DDIAS: variants seen among roughly 807,000 people sequenced by gnomAD.
The protein encoded by DDIAS is DNA damage induced apoptosis suppressor.
DDIAS carries 14 observed loss-of-function variants against 15.7 expected under a neutral mutation model. The observed-to-expected ratio is 0.89, with a 90% CI of 0.59 to 1.39. The LOEUF is 1.39. Among genes scored for constraint, DDIAS ranks in the 40% most tolerant of loss-of-function variants. The pLI is 0.00. For missense variants in DDIAS, 1,035 were observed against 1,130.9 expected, an observed-to-expected ratio of 0.92 and a Z score of 1.22; for synonymous variants, 355 against 395.9, an observed-to-expected ratio of 0.90 and a Z score of 1.23.
intron 3 of DDIAS, among the ~76,000 whole-genome samples, chr11:82,924,173 T>C (rs72946790): frequency 0.012 from 1,816 of 152,350 alleles, 12 homozygotes; most frequent in Non-Finnish European, 0.019. Context: ...GTTTTCTTAC[T>C]TTGTGGGGGA....
rs1459100943 is a variant in DDIAS, at chr11:82,933,551, G to A, written c.2213G>A (p.Ser738Asn). The A allele has an allele frequency of 6.2e-7, 1 of 1,614,040 alleles. No individual in the cohort carries two copies. The change falls in exon 6 of 6, where the codon AGC becomes AAC. Residue 738 changes from serine to asparagine, a missense_variant. Transcript: ENST00000533655. ...CCTTCACAAAAATTATCCTTGCAAA[G>A]CCTATCTGACTCTAGGCATTCAAGA... ...IQPSQKLSLQ[S>N]LSDSRHSRTC...
intron 3 of DDIAS, among the ~76,000 whole-genome samples, chr11:82,916,501 T>C (rs1436437474): frequency 6.7e-6 from 1 of 149,612 alleles, no homozygotes; most frequent in Non-Finnish European, 1.5e-5. Context: ...ATCAAATAGG[T>C]TAATATACAT....
intron 3 of DDIAS, among the ~76,000 whole-genome samples, chr11:82,923,256 C>G (rs1251305630): frequency 6.6e-6 from 1 of 152,200 alleles, no homozygotes; most frequent in Non-Finnish European, 1.5e-5. Flanking sequence ...CTCCCATCCG[C>G]CATGATGATC....
chr11:82,921,765 G>C (rs975631899), intron 3 of DDIAS, among the ~76,000 whole-genome samples: 1 of 151,544 alleles, frequency 6.6e-6, no homozygotes, highest in Admixed American at 6.6e-5. Flanking sequence ...TTTTAGTAGA[G>C]ACAGGGTTTC....
chr11:82,904,331 G>A (rs1017449312), intron 1 of DDIAS, among the ~76,000 whole-genome samples: 10 of 152,070 alleles, frequency 6.6e-5, no homozygotes, highest in South Asian at 2.1e-4. Context: ...TAGTCTAGCC[G>A]GAAGAAGAAA....
In DDIAS at chr11:82,930,215, C is replaced by A. The variant is rs1206439894; in HGVS notation, c.334C>A (p.Leu112Ile). 1 of 1,604,982 alleles carries A rather than the reference C, an allele frequency of 6.2e-7. No individual in the cohort carries two copies. Among genetic ancestry groups the A allele is most frequent in the Non-Finnish European group, 8.5e-7 (1 of 1,174,650 alleles). The change falls in exon 5 of 6, where the codon CTA (leucine) becomes ATA (isoleucine). Residue 112 changes from leucine (L) to isoleucine (I), a missense_variant. Coordinates refer to ENST00000533655, the MANE Select transcript of DDIAS (RefSeq NM_145018.4). ...ETLDNDTTQN[L>I]LTKAVETCFV... ...ACTGGACAATGATACAACTCAGAAT[C>A]TATTAACTAAAGCAGTTGAAACTTG...
At chr11:82,923,875 A>G (rs11233378) in intron 3 of DDIAS, among the ~76,000 whole-genome samples, 20,007 of 152,258 alleles carry the variant, frequency 0.13, 1,388 homozygotes, top group Middle Eastern at 0.19. Flanking sequence ...CTACACATAC[A>G]CACACAATAG....
At chr11:82,931,590 C>G in intron 5 of DDIAS, 142 bp from the exon 6 acceptor site, 1 of 690,590 alleles carries the variant, frequency 1.4e-6, no homozygotes, top group South Asian at 2.0e-5. Flanking sequence ...ACTCTTGAGG[C>G]TCAAGTGATC....
chr11:82,912,517 C>A (rs1860546417), intron 1 of DDIAS, among the ~76,000 whole-genome samples: 1 of 152,152 alleles, frequency 6.6e-6, no homozygotes, highest in Admixed American at 6.5e-5. Flanking sequence ...TCTCAGCCTT[C>A]ATAGAATTGA....
rs546621942 is a variant in DDIAS, at chr11:82,904,546, C to A, written c.-117+2724C>A. The stretch of plus-strand genomic sequence containing the variant: ...ATAACCATGTTTATCACAAGTGTTA[C>A]ACACCATGAGATAGTCTCAATGACT... On this transcript the variant is annotated intron_variant, in intron 1 of 5. Transcript: ENST00000533655. Among the ~76,000 whole-genome samples the A allele has an allele frequency of 3.9e-5, 6 of 152,300 alleles. No homozygotes were observed. The East Asian group carries it at 1.2e-3, about 29-fold the overall frequency.
At chr11:82,902,028 A>T (rs958537313) in intron 1 of DDIAS, among the ~76,000 whole-genome samples, 1 of 152,166 alleles carries the variant, frequency 6.6e-6, no homozygotes, top group Non-Finnish European at 1.5e-5. Context: ...TCACCTAACG[A>T]ACGTTTATTG....
At chr11:82,929,257 T>C (rs1860933658) in intron 4 of DDIAS, among the ~76,000 whole-genome samples, 3 of 152,216 alleles carry the variant, frequency 2.0e-5, no homozygotes, top group Non-Finnish European at 4.4e-5. Flanking sequence ...AGGTTAGCAT[T>C]GAAACAGTTA....
chr11:82,929,479 G>A (rs1357460985), intron 4 of DDIAS, among the ~76,000 whole-genome samples: 2 of 152,120 alleles, frequency 1.3e-5, no homozygotes, highest in South Asian at 2.1e-4. Flanking sequence ...CGAGGCGGGC[G>A]GATCACAAGG....
chr11:82,932,257 A>G lies in DDIAS; in HGVS notation c.919A>G (p.Thr307Ala). ...TGTTTCATATATGGATAAAAAGAGT[A>G]CAGCAGAAAAGTTGGGTAAAGAACT... ...SLVSYMDKKS[T>A]AEKLGKELGL... Residue 307 changes from threonine (T) to alanine (A), a missense_variant, in exon 6 of 6, where the codon ACA (threonine) becomes GCA (alanine). Physicochemically the swap from Thr to Ala is moderately conservative, Grantham distance 58. Transcript: ENST00000533655. The G allele has an allele frequency of 6.2e-7, 1 of 1,613,796 alleles. No individual in the cohort carries two copies. Among genetic ancestry groups the G allele is most frequent in the Non-Finnish European group, 8.5e-7 (1 of 1,179,802 alleles).
Position 82,932,348 on chromosome 11 carries a change from C to CT in DDIAS, c.1011dup (p.Asn338Ter). On this transcript the variant is annotated frameshift_variant, in exon 6 of 6. Coordinates refer to ENST00000533655, the MANE Select transcript of DDIAS (RefSeq NM_145018.4). LOFTEE classifies it low-confidence loss of function (END_TRUNC). ...CATCATGAAATTGGAGTTAATGACTCTAATTTATTCTCTTTGGAAATGCGA... is the reference window on the plus strand; with the variant it reads ...CATCATGAAATTGGAGTTAATGACTCTTAATTTATTCTCTTTGGAAATGCGA... 1.2e-6 allele frequency: 2 copies of CT among 1,613,980 alleles called. No homozygotes were observed. The highest frequency in any genetic ancestry group is 2.7e-5 in the African/African-American group (2 of 75,038).
chr11:82,915,992 A>C (rs188749506), intron 3 of DDIAS, among the ~76,000 whole-genome samples: 5 of 152,200 alleles, frequency 3.3e-5, no homozygotes, highest in African/African-American at 9.7e-5. Flanking sequence ...AGAATCTGCT[A>C]TAAGTAGTTT....
chr11:82,928,829 A>G lies in DDIAS; in HGVS notation c.166A>G (p.Arg56Gly). The G allele has an allele frequency of 6.2e-7, 1 of 1,613,424 alleles. No individual in the cohort carries two copies. Among genetic ancestry groups the G allele is most frequent in the Non-Finnish European group, 8.5e-7 (1 of 1,179,776 alleles). ...STGESGNANY[R>G]YKLSLKVAES... ...TGGTGAATCTGGAAATGCCAATTAC[A>G]GATACAAACTTTCCTTAAAAGTTGC... is the stretch of plus-strand genomic sequence containing the variant. Residue 56 changes from arginine to glycine, a missense_variant, in exon 4 of 6, where the codon AGA (arginine) becomes GGA (glycine). Coordinates refer to ENST00000533655, the MANE Select transcript of DDIAS (RefSeq NM_145018.4).
chr11:82,902,171 C>T (rs1308349767), intron 1 of DDIAS, among the ~76,000 whole-genome samples: 1 of 152,156 alleles, frequency 6.6e-6, no homozygotes, highest in Non-Finnish European at 1.5e-5. Flanking sequence ...GTAGTACGTG[C>T]TGAAAGGGGA....
chr11:82,903,002 A>C (rs1404668010), intron 1 of DDIAS, among the ~76,000 whole-genome samples: 1 of 152,230 alleles, frequency 6.6e-6, no homozygotes, highest in Non-Finnish European at 1.5e-5. Flanking sequence ...CTGATGCCTA[A>C]AAGATGAGCG....
Sources: allele counts gnomAD v4.1 joint callset (sites outside exome capture counted in the v4.1 genomes callset), GRCh38; gene constraint gnomAD v4.1.1; transcripts MANE v1.5; gene names NCBI Gene and HGNC (gene_info 2026-07-23, HGNC 2026-07-21).